The following ATXN2 variants were observed in gnomAD, a reference collection of about 807,000 sequenced individuals.
ATXN2 encodes ataxin-2.
Under a neutral mutation model 138.6 loss-of-function variants are expected in ATXN2, and 37 were observed. The ratio of observed to expected loss-of-function variants is 0.27; its 90% confidence interval spans 0.21 to 0.35. ATXN2 has a LOEUF of 0.35. Ranked by LOEUF, ATXN2 falls within the 10% of genes least tolerant of loss-of-function variation. ATXN2 has a pLI of 1.00. For synonymous variants in ATXN2, 549 were observed against 543.7 expected, an observed-to-expected ratio of 1.01 and a Z score of -0.13; for missense variants, 1,216 against 1,480.3, an observed-to-expected ratio of 0.82 and a Z score of 2.93.
chr12:111,513,641 TCA>T, intron 10 of ATXN2, 102 bp from the exon 11 acceptor site: 1 of 933,950 alleles, frequency 1.1e-6, no homozygotes, highest in Non-Finnish European at 1.5e-6. Context: ...ACACACTCAC[TCA>T]CTCTACAGTT....
intron 8 of ATXN2, 85 bp from the exon 9 acceptor site, chr12:111,518,512 G>C (rs1428237785): frequency 2.9e-6 from 4 of 1,362,894 alleles, no homozygotes; most frequent in Admixed American, 2.4e-5. Context: ...TAGACAGAAG[G>C]GAATGCTTGT....
At chr12:111,546,421 T>C (rs556704543) in intron 5 of ATXN2, among the ~76,000 whole-genome samples, 149 of 152,272 alleles carry the variant, frequency 9.8e-4, no homozygotes, top group African/African-American at 3.0e-3. Flanking sequence ...AAAACAGCCA[T>C]AGACAATGCA....
rs1442623573 is a variant in ATXN2 at position 111,469,971 on chromosome 12, T to C, written c.2842+137A>G. The stretch of plus-strand genomic sequence containing the variant: ...TTATAAAGCAAGTCAGGCAAAGAAA[T>C]GGGTTCATCTTTTCCTTCAGATTCT... On this transcript the variant is annotated intron_variant, in intron 20 of 24. Transcript: ENST00000673436. The C allele has an allele frequency of 3.9e-6, 4 of 1,031,050 alleles. No homozygotes were observed. In the South Asian group the frequency reaches 7.0e-5, roughly 18 times the overall value. 63.9% of individuals were successfully genotyped at this position (1,031,050 alleles called of 1,614,324 possible).
At chr12:111,482,716 A>G (rs1194722659) in intron 18 of ATXN2, 1 of 152,166 alleles carries the variant, frequency 6.6e-6, no homozygotes, top group African/African-American at 2.4e-5. Flanking sequence ...GGCAGTAAAA[A>G]AAAAAACCCA....
rs565574170 is a variant in ATXN2 at position 111,493,900 on chromosome 12, T to A, written c.1936-5120A>T. On this transcript the variant is annotated intron_variant, in intron 14 of 24. Transcript: ENST00000673436. ...ACCTTTGCCTTCCAAAGTGCTGGGA[T>A]TAGGCGTGAGCCACTAGGCCAGGGT... Among the ~76,000 whole-genome samples, 24 of 152,034 alleles carry A rather than the reference T, an allele frequency of 1.6e-4. No individual in the cohort carries two copies. In the South Asian group the frequency reaches 5.0e-3, roughly 32 times the overall value.
At chr12:111,558,602 A>T (rs533970606) in intron 1 of ATXN2, among the ~76,000 whole-genome samples, 9 of 152,264 alleles carry the variant, frequency 5.9e-5, no homozygotes, top group African/African-American at 2.2e-4. Context: ...GTTTGAGATC[A>T]GTCTGGGCAA....
At chr12:111,581,428 C>G in intron 1 of ATXN2, 1 of 759,700 alleles carries the variant, frequency 1.3e-6, no homozygotes, top group Non-Finnish European at 2.4e-6. Context: ...TCGGCCATCC[C>G]CCTAACTATG....
Position 111,516,401 on chromosome 12 carries a change from T to G in ATXN2, c.1166-38A>C. 1 of 1,490,634 alleles carries G rather than the reference T, an allele frequency of 6.7e-7. No homozygotes were observed. Among genetic ancestry groups the G allele is most frequent in the Non-Finnish European group, 9.0e-7 (1 of 1,111,470 alleles). 92.3% of individuals were successfully genotyped at this position (1,490,634 alleles called of 1,614,324 possible). A position where few individuals can be genotyped will look rare whatever the true frequency, so the allele number is the denominator to read the frequency against. On this transcript the variant is annotated intron_variant, in intron 9 of 24. Transcript: ENST00000673436. This position sits in a 1 kb window ranked among gnomAD's most constrained non-coding sequence, Gnocchi z 5.0. ...ATGATATGAAGGAAAGTATAAAAAC[T>G]AAAGAAAAAAATGAGGGAAAAAAGT...
chr12:111,525,468 A>C (rs1880432749), intron 5 of ATXN2, 152 bp from the exon 6 acceptor site: 1 of 977,376 alleles, frequency 1.0e-6, no homozygotes, highest in South Asian at 2.1e-5. Flanking sequence ...AGAAACATTT[A>C]TTGAACATAA....
At chr12:111,488,439 T>G (rs1189229361) in intron 15 of ATXN2, 37 bp downstream of exon 15, 5 of 1,558,904 alleles carry the variant, frequency 3.2e-6, no homozygotes, top group Non-Finnish European at 4.3e-6. Context: ...AAAAGTTAAT[T>G]GAGTAACAGG....
In ATXN2 at chr12:111,457,275, G is replaced by A. The variant is rs1017445924; in HGVS notation, c.2981C>T (p.Thr994Ile). Residue 994 changes from threonine to isoleucine, a missense_variant, in exon 22 of 25, where the codon ACC (threonine) becomes ATC (isoleucine). By Grantham distance (89) the Thr-to-Ile change is moderately conservative. Transcript: ENST00000673436. ...PHTPHPQPSATPTGQQQSQHG... is the reference protein window; with the variant it reads ...PHTPHPQPSAIPTGQQQSQHG... ...TTGGCTTTGCTGCTGTCCAGTGGGGGTAGCTGAAGGCTGAGGGTGTGGAGT... is the reference window on the plus strand; with the variant it reads ...TTGGCTTTGCTGCTGTCCAGTGGGGATAGCTGAAGGCTGAGGGTGTGGAGT... The A allele has an allele frequency of 2.5e-6, 4 of 1,614,088 alleles. No individual in the cohort carries two copies. Among genetic ancestry groups the A allele is most frequent in the Non-Finnish European group, 3.4e-6 (4 of 1,180,030 alleles).
rs767812024 is a variant in ATXN2 at position 111,471,809 on chromosome 12, G to C, written c.2525-1067C>G. The C allele has an allele frequency of 3.3e-5, 5 of 151,804 alleles. No homozygotes were observed. In the South Asian group the frequency reaches 1.0e-3, roughly 32 times the overall value. 9.4% of individuals were successfully genotyped at this position (151,804 alleles called of 1,614,324 possible). A position where few individuals can be genotyped will look rare whatever the true frequency, so the allele number is the denominator to read the frequency against. On this transcript the variant is annotated intron_variant, in intron 18 of 24. Transcript: ENST00000673436. ...TACTTATCACTTTTATCAAATGAAA[G>C]TTTGCCCGATTATGCTAACTGAGCT...
chr12:111,598,048 C>A lies in ATXN2; in HGVS notation c.251+736G>T. 1 of 1,164,788 alleles carries A rather than the reference C, an allele frequency of 8.6e-7. No homozygotes were observed. The highest frequency in any genetic ancestry group is 1.1e-6 in the Non-Finnish European group (1 of 927,094). 72.2% of individuals were successfully genotyped at this position (1,164,788 alleles called of 1,614,324 possible). A position where few individuals can be genotyped will look rare whatever the true frequency, so the allele number is the denominator to read the frequency against. On this transcript the variant is annotated intron_variant, in intron 1 of 24. Coordinates refer to ENST00000673436, the MANE Select transcript of ATXN2 (RefSeq NM_001372574.1). This position sits in a 1 kb window ranked among gnomAD's most constrained non-coding sequence, Gnocchi z 4.5. ...GGGCCGGGCACTCCCCACCCCTTCCCTTCCCCAGGTGGGGGAGGGTGGAAC... is the reference window on the plus strand; with the variant it reads ...GGGCCGGGCACTCCCCACCCCTTCCATTCCCCAGGTGGGGGAGGGTGGAAC...
chr12:111,485,170 A>C, intron 18 of ATXN2, 95 bp downstream of exon 18: 8 of 1,185,026 alleles, frequency 6.8e-6, no homozygotes, highest in Non-Finnish European at 9.7e-6. Context: ...TCAAAAAGTC[A>C]GAGCTAAACT....
At chr12:111,506,403 C>A (rs955177098) in intron 14 of ATXN2, among the ~76,000 whole-genome samples, 18 of 152,044 alleles carry the variant, frequency 1.2e-4, no homozygotes, top group African/African-American at 4.3e-4. Flanking sequence ...CTGATTTATA[C>A]ACTTTAAACG....
chr12:111,518,600 C>A (rs1409910215), intron 8 of ATXN2, among the ~76,000 whole-genome samples, 173 bp from the exon 9 acceptor site: 1 of 152,180 alleles, frequency 6.6e-6, no homozygotes, highest in Non-Finnish European at 1.5e-5. Flanking sequence ...TGAGTTCTAA[C>A]CTCTGGACTG....
In ATXN2 at chr12:111,453,467, T is replaced by C. The variant is rs1874825173; in HGVS notation, c.3439+210A>G. 1 of 1,304,140 alleles carries C rather than the reference T, an allele frequency of 7.7e-7. No individual in the cohort carries two copies. Among genetic ancestry groups the C allele is most frequent in the Non-Finnish European group, 9.7e-7 (1 of 1,029,136 alleles). 80.8% of individuals were successfully genotyped at this position (1,304,140 alleles called of 1,614,324 possible). A position where few individuals can be genotyped will look rare whatever the true frequency, so the allele number is the denominator to read the frequency against. On this transcript the variant is annotated intron_variant, in intron 24 of 24. Transcript: ENST00000673436. This position sits in a 1 kb window ranked among gnomAD's most constrained non-coding sequence, Gnocchi z 5.4. ...CTGCTTCTCATCAAGCCAAATCCTG[T>C]ATACCATCAGAACACACACAGACTC...
chr12:111,501,017 G>A (rs559776047), intron 14 of ATXN2, among the ~76,000 whole-genome samples: 8 of 152,014 alleles, frequency 5.3e-5, no homozygotes, highest in Non-Finnish European at 1.2e-4. Flanking sequence ...CAATTGCAAC[G>A]TTCATTACAC....
At chr12:111,474,284 T>TA (rs1876635334) in intron 18 of ATXN2, among the ~76,000 whole-genome samples, 1 of 151,958 alleles carries the variant, frequency 6.6e-6, no homozygotes, top group African/African-American at 2.4e-5. Context: ...CAGCACCTCC[T>TA]AAAGTGCTGG....
Sources: allele counts gnomAD v4.1 joint callset (sites outside exome capture counted in the v4.1 genomes callset), GRCh38; gene constraint gnomAD v4.1.1; non-coding constraint Gnocchi (gnomAD v3.1); transcripts MANE v1.5; gene names NCBI Gene and HGNC (gene_info 2026-07-23, HGNC 2026-07-21).